ADGRV1: variants seen among roughly 807,000 people sequenced by gnomAD.
ADGRV1 encodes the protein G-protein coupled receptor 98.
Under a neutral mutation model 596.2 loss-of-function variants are expected in ADGRV1, and 359 were observed. The observed-to-expected ratio is 0.60, with a 90% CI of 0.55 to 0.66. The LOEUF is 0.66. ADGRV1 is among the 30% of genes least tolerant of loss of function. The pLI is 0.00. For missense variants in ADGRV1, 7,274 were observed against 7,575.6 expected (o/e 0.96, Z 1.48); for synonymous variants, 2,681 against 2,679.2 (o/e 1.00, Z -0.02).
rs1397677695 is a variant in ADGRV1, at chr5:90,819,998, C to T, written c.16197-3427C>T. Among the ~76,000 whole-genome samples the T allele has an allele frequency of 9.3e-5, 14 of 150,214 alleles. No individual in the cohort carries two copies. In the East Asian group the frequency reaches 2.2e-3, roughly 23 times the overall value. ...TTGACTTTCTGTCTCGTTGATCTGT[C>T]TAATGTTGACAGTGGGGTGTTAAAG... On this transcript the variant is annotated intron_variant, in intron 75 of 89. Coordinates refer to ENST00000405460, the MANE Select transcript of ADGRV1 (RefSeq NM_032119.4).
intron 83 of ADGRV1, among the ~76,000 whole-genome samples, chr5:90,912,870 C>G (rs1345904522): frequency 6.6e-6 from 1 of 152,154 alleles, no homozygotes; most frequent in Non-Finnish European, 1.5e-5. Context: ...AATAGTCCAG[C>G]ATCATCTTTT....
chr5:91,148,034 C>G (rs1459375366), intron 87 of ADGRV1, among the ~76,000 whole-genome samples: 1 of 152,170 alleles, frequency 6.6e-6, no homozygotes, highest in Non-Finnish European at 1.5e-5. Flanking sequence ...TACCCCCTCC[C>G]TAGAAATCTG....
rs1415661272 is a variant in ADGRV1 at position 90,805,279 on chromosome 5, C to T, written c.14662-5C>T. On this transcript the variant is annotated splice_polypyrimidine_tract_variant and splice_region_variant and intron_variant, in intron 71 of 89. Transcript: ENST00000405460. Reference sequence around the variant, plus strand: ...TAAAATACTCTAAGCATGATTTTCCCTCAGGTCGGATTTGAATCCACTGCT... The same window carrying T: ...TAAAATACTCTAAGCATGATTTTCCTTCAGGTCGGATTTGAATCCACTGCT... 6.2e-7 allele frequency: 1 copy of T among 1,606,252 alleles called. No individual in the cohort carries two copies. The highest frequency in any genetic ancestry group is 1.1e-5 in the South Asian group (1 of 90,432).
chr5:90,590,493 G>A (rs920920809), intron 1 of ADGRV1, among the ~76,000 whole-genome samples: 1 of 152,178 alleles, frequency 6.6e-6, no homozygotes. Flanking sequence ...GGCAGTCTTA[G>A]GTAGTCAGAT....
rs111033531 is a variant in ADGRV1 at position 90,694,050 on chromosome 5, G to A, written c.7294G>A (p.Val2432Met). 223 of 1,613,784 alleles carry A rather than the reference G, an allele frequency of 1.4e-4. No homozygotes were observed. The highest frequency in any genetic ancestry group is 6.9e-4 in the East Asian group (31 of 44,862). ...GAGAACTTGGATGAATGTCTCTGCC[G>A]TGGGGGAGCCCCTGTATACCTGTGC... ...LWRTWMNVSA[V>M]GEPLYTCATL... is the part of the protein sequence containing the mutation. Residue 2432 changes from valine (V) to methionine (M), a missense_variant, in exon 33 of 90, where the codon GTG (valine) becomes ATG (methionine). This residue lies in a region of ADGRV1 where 3,643 missense variants were observed against 3,809.2 expected (regional missense o/e 0.96). Transcript: ENST00000405460.
chr5:91,087,513 G>C (rs1055673942), intron 86 of ADGRV1, among the ~76,000 whole-genome samples: 1 of 151,694 alleles, frequency 6.6e-6, no homozygotes, highest in Non-Finnish European at 1.5e-5. Flanking sequence ...TGTTGACCAG[G>C]CTGGTCTTGC....
chr5:90,634,947 G>A (rs1765979290), intron 9 of ADGRV1, among the ~76,000 whole-genome samples, 167 bp from the exon 10 acceptor site: 1 of 152,102 alleles, frequency 6.6e-6, no homozygotes, highest in African/African-American at 2.4e-5. Context: ...CAGAGGCCAG[G>A]GAAGGAGATT....
chr5:90,813,962 T>C, intron 74 of ADGRV1, among the ~76,000 whole-genome samples: 1 of 152,226 alleles, frequency 6.6e-6, no homozygotes, highest in South Asian at 2.1e-4. Context: ...ATTGTAAATG[T>C]GACAAGGGAA....
chr5:90,801,921 T>A (rs1258342553), intron 70 of ADGRV1, among the ~76,000 whole-genome samples: 1 of 152,222 alleles, frequency 6.6e-6, no homozygotes, highest in Non-Finnish European at 1.5e-5. Flanking sequence ...ATGTAACACA[T>A]AGGATTAATT....
At chr5:91,072,635 G>T in intron 86 of ADGRV1, 31 bp downstream of exon 86, 1 of 1,589,760 alleles carries the variant, frequency 6.3e-7, no homozygotes, top group African/African-American at 1.3e-5. Context: ...GTACTTTGGA[G>T]ATGGAAACGC....
chr5:90,965,642 T>C (rs996409164), intron 84 of ADGRV1, 111 bp downstream of exon 84: 3 of 573,084 alleles, frequency 5.2e-6, no homozygotes, highest in Admixed American at 3.1e-5. Flanking sequence ...CGTATATCCA[T>C]CACTGCATTC....
At chr5:90,615,597 T>G (rs192499263) in intron 2 of ADGRV1, among the ~76,000 whole-genome samples, 190 of 152,048 alleles carry the variant, frequency 1.2e-3, no homozygotes, top group African/African-American at 4.4e-3. Context: ...AGAGTATTGC[T>G]ATATTTGAGT....
At chr5:90,964,258 T>G (rs900061543) in intron 83 of ADGRV1, among the ~76,000 whole-genome samples, 2 of 152,188 alleles carry the variant, frequency 1.3e-5, no homozygotes, top group Admixed American at 1.3e-4. Context: ...GCATTCATGT[T>G]TTCTTTTTAA....
intron 29 of ADGRV1, among the ~76,000 whole-genome samples, chr5:90,686,492 A>G (rs2149598726): frequency 6.6e-6 from 1 of 152,044 alleles, no homozygotes; most frequent in East Asian, 1.9e-4. Flanking sequence ...GTGATAGTTT[A>G]CTGAGAATGA....
chr5:90,579,027 C>G (rs1295635120), intron 1 of ADGRV1, among the ~76,000 whole-genome samples: 1 of 152,052 alleles, frequency 6.6e-6, no homozygotes, highest in African/African-American at 2.4e-5. Flanking sequence ...AGCGGTCTAC[C>G]TATTCTGTTG....
chr5:91,108,187 G>C (rs1006756565), intron 87 of ADGRV1, among the ~76,000 whole-genome samples: 2 of 151,974 alleles, frequency 1.3e-5, no homozygotes, highest in Non-Finnish European at 2.9e-5. Flanking sequence ...AGTTTATTTT[G>C]GTTCATTTAA....
At chr5:90,738,795 T>G (rs1753582710) in intron 50 of ADGRV1, among the ~76,000 whole-genome samples, 2 of 152,192 alleles carry the variant, frequency 1.3e-5, no homozygotes, top group African/African-American at 4.8e-5. Context: ...TGAATTTGAC[T>G]GGAGAACTTT....
chr5:90,638,217 T>C (rs72782737), intron 11 of ADGRV1, among the ~76,000 whole-genome samples: 951 of 151,958 alleles, frequency 6.3e-3, no homozygotes, highest in Middle Eastern at 0.024. Context: ...CAGATAAATA[T>C]GAAACATAGC....
chr5:90,878,989 G>T (rs778395534), intron 83 of ADGRV1, among the ~76,000 whole-genome samples: 1 of 152,210 alleles, frequency 6.6e-6, no homozygotes, highest in Non-Finnish European at 1.5e-5. Context: ...CCTGGGATAA[G>T]GCTACTTCAG....
Sources: allele counts gnomAD v4.1 joint callset (sites outside exome capture counted in the v4.1 genomes callset), GRCh38; gene constraint gnomAD v4.1.1; regional missense constraint gnomAD v4.1.1; transcripts MANE v1.5; gene names NCBI Gene and HGNC (gene_info 2026-07-23, HGNC 2026-07-21).